Variants in BCR observed in about 807,000 individuals in gnomAD.
BCR encodes the protein breakpoint cluster region protein.
BCR carries 58 observed loss-of-function variants against 138.6 expected under a neutral mutation model. The observed-to-expected ratio is 0.42, with a 90% CI of 0.34 to 0.52. The LOEUF is 0.52. Ranked by LOEUF, BCR falls within the 20% of genes least tolerant of loss-of-function variation. The probability of loss-of-function intolerance (pLI) is 0.06; values close to 1 mark genes in which losing one functional copy is unlikely to be tolerated. For synonymous variants in BCR, 786 were observed against 730.1 expected (o/e 1.08, Z -1.23); for missense variants, 1,599 against 1,727.2 (o/e 0.93, Z 1.32).
At chr22:23,243,690 C>G (rs1185273247) in intron 1 of BCR, among the ~76,000 whole-genome samples, 2 of 151,472 alleles carry the variant, frequency 1.3e-5, no homozygotes, top group Non-Finnish European at 2.9e-5. Context: ...GCTCTGTTGC[C>G]CAGGCTGGAG....
chr22:23,253,798 G>C lies in BCR; in HGVS notation c.1280-1G>C, dbSNP rs2073260213. The C allele has an allele frequency of 6.2e-7, 1 of 1,610,042 alleles. No homozygotes were observed. Among genetic ancestry groups the C allele is most frequent in the Admixed American group, 1.7e-5 (1 of 59,876 alleles). On this transcript the variant is annotated splice_acceptor_variant, in intron 1 of 22. Coordinates refer to ENST00000305877, the MANE Select transcript of BCR (RefSeq NM_004327.4). LOFTEE classifies it high-confidence loss of function. The stretch of plus-strand genomic sequence containing the variant: ...CACAGGATGCTTCTTTGCACACACA[G>C]ATGGCTCGTTCGGAACACCACCTGG...
intron 16 of BCR, among the ~76,000 whole-genome samples, chr22:23,301,861 A>G (rs1257266727): frequency 1.3e-5 from 2 of 152,214 alleles, no homozygotes; most frequent in East Asian, 3.9e-4. Flanking sequence ...GCTCACTCAA[A>G]TGGCTCATTC....
rs1480554479 is a variant in BCR, at chr22:23,201,347, G to C, written c.1279+19108G>C. On this transcript the variant is annotated intron_variant, in intron 1 of 22. Transcript: ENST00000305877. ...CTTACCTCCTGGCAGTTGTAGGACT[G>C]AGTCCCCATTTCCTTGCTGGCATTG... Among the ~76,000 whole-genome samples, 4 of 152,230 alleles carry C rather than the reference G, an allele frequency of 2.6e-5. No individual in the cohort carries two copies. In the South Asian group the frequency reaches 6.2e-4, roughly 24 times the overall value.
intron 1 of BCR, among the ~76,000 whole-genome samples, chr22:23,197,746 A>G (rs2072500290): frequency 6.6e-6 from 1 of 151,442 alleles, no homozygotes; most frequent in Non-Finnish European, 1.5e-5. Flanking sequence ...TGCCTTGGGA[A>G]GGTGAGTTTG....
Position 23,315,597 on chromosome 22 carries a change from GA to G in BCR, c.*77del. ...GCTAATCGGGCCATCCGTAGAGCGG[GA>G]ACCTTCCTGAGGTGTCCTTGGGCCA... is the stretch of plus-strand genomic sequence containing the variant. On this transcript the variant is annotated 3_prime_UTR_variant, in exon 23 of 23. Transcript: ENST00000305877. The G allele has an allele frequency of 7.0e-7, 1 of 1,429,830 alleles. No individual in the cohort carries two copies. Among genetic ancestry groups the G allele is most frequent in the Non-Finnish European group, 9.8e-7 (1 of 1,021,220 alleles). 88.6% of individuals were successfully genotyped at this position (1,429,830 alleles called of 1,614,324 possible).
At chr22:23,263,255 C>T in intron 4 of BCR, 1 of 1,071,314 alleles carries the variant, frequency 9.3e-7, no homozygotes, top group Non-Finnish European at 1.4e-6. Context: ...TGTGCTCCTA[C>T]CTCGACATGC....
rs748634349 is a variant in BCR at position 23,198,249 on chromosome 22, G to C, written c.1279+16010G>C. The C allele has an allele frequency of 9.0e-6, 4 of 444,894 alleles. No individual in the cohort carries two copies. The East Asian group carries it at 2.9e-4, about 33-fold the overall frequency. The allele number at this position is 444,894 out of a possible 1,614,324, so 27.6% of individuals were successfully genotyped here. A position where few individuals can be genotyped will look rare whatever the true frequency, so the allele number is the denominator to read the frequency against. Reference sequence around the variant, plus strand: ...AGGTGGGTGGGGATTCAGGATTAGGGTCCGAGTGCTCCCCGAGTGTCCACC... The same window carrying C: ...AGGTGGGTGGGGATTCAGGATTAGGCTCCGAGTGCTCCCCGAGTGTCCACC... On this transcript the variant is annotated intron_variant, in intron 1 of 22. Transcript: ENST00000305877.
In BCR at chr22:23,181,620, C is replaced by T; in HGVS notation, c.660C>T (p.Gly220=). The part of the protein sequence containing the change: ...MERKKSQHGA[G]SSVGDASRPP... ...GCAAAAAGTCCCAGCACGGCGCGGG[C>T]TCGAGCGTGGGGGATGCATCCAGGC... Residue 220 remains glycine, a synonymous_variant, in exon 1 of 23, where the codon GGC becomes GGT. Transcript: ENST00000305877. The T allele has an allele frequency of 6.2e-7, 1 of 1,611,712 alleles. No individual in the cohort carries two copies. The highest frequency in any genetic ancestry group is 2.2e-5 in the East Asian group (1 of 44,874).
chr22:23,264,112 A>G, intron 4 of BCR: 1 of 1,516,632 alleles, frequency 6.6e-7, no homozygotes, highest in Admixed American at 1.7e-5. Context: ...TGTGTCATGG[A>G]GTGGGAGGAG....
rs560773307 is a variant in BCR at position 23,244,152 on chromosome 22, CG to C, written c.1280-9645del. Among the ~76,000 whole-genome samples, 10 of 152,244 alleles carry C rather than the reference CG, an allele frequency of 6.6e-5. No individual in the cohort carries two copies. The South Asian group carries it at 1.9e-3, about 28-fold the overall frequency. On this transcript the variant is annotated intron_variant, in intron 1 of 22. Transcript: ENST00000305877. ...GAATGGAATTAAATTATAGGACACC[CG>C]GCTGGTGTCCAGAGACTGGGAGGAT...
chr22:23,312,164 G>A lies in BCR; in HGVS notation c.3322+328G>A, dbSNP rs77475071. Among the ~76,000 whole-genome samples the A allele has an allele frequency of 5.7e-3, 869 of 152,276 alleles. 8 individuals carry two copies. Among genetic ancestry groups the A allele is most frequent in the African/African-American group, 0.019 (780 of 41,564 alleles). On this transcript the variant is annotated intron_variant, in intron 19 of 22. Coordinates refer to ENST00000305877, the MANE Select transcript of BCR (RefSeq NM_004327.4). ...TGTCCCCTGCCATGTGTGAGGATGCGGCAGGCAGAGGGCACTGATGAAATT... is the reference window on the plus strand; with the variant it reads ...TGTCCCCTGCCATGTGTGAGGATGCAGCAGGCAGAGGGCACTGATGAAATT...
chr22:23,261,245 A>G, intron 3 of BCR, 110 bp from the exon 4 acceptor site: 1 of 1,339,322 alleles, frequency 7.5e-7, no homozygotes, highest in Non-Finnish European at 1.0e-6. Context: ...TATGTGATTT[A>G]AAAATAAAAG....
intron 10 of BCR, among the ~76,000 whole-genome samples, chr22:23,286,749 A>G (rs879074829): frequency 6.6e-6 from 1 of 152,058 alleles, no homozygotes; most frequent in Non-Finnish European, 1.5e-5. Flanking sequence ...CTCCACAAAC[A>G]TGCCCAGGGG....
Position 23,261,534 on chromosome 22 carries a change from G to GGC in BCR, c.1746_1747insGC (p.Lys583AlafsTer41). The GGC allele has an allele frequency of 6.2e-7, 1 of 1,611,838 alleles. No individual in the cohort carries two copies. Reference sequence around the variant, plus strand: ...AGCAGCGGGTGGGCGACCTCTTCCAGAAGCTGGTGAGTAACCCAGGGCCGG... The same window carrying GGC: ...AGCAGCGGGTGGGCGACCTCTTCCAGGCAAGCTGGTGAGTAACCCAGGGCCGG... On this transcript the variant is annotated frameshift_variant, in exon 4 of 23. Transcript: ENST00000305877. LOFTEE classifies it high-confidence loss of function.
At position 23,317,980 on chromosome 22, in the gene BCR, C is replaced by T. The variant is rs1338549804; in HGVS notation, c.*2458C>T. 1.7e-4 allele frequency: 27 copies of T among 154,466 alleles called. No homozygotes were observed. The highest frequency in any genetic ancestry group is 6.6e-4 in the African/African-American group (26 of 39,622). The allele number at this position is 154,466 out of a possible 1,614,324, so 9.6% of individuals were successfully genotyped here. On this transcript the variant is annotated 3_prime_UTR_variant, in exon 23 of 23. Coordinates refer to ENST00000305877, the MANE Select transcript of BCR (RefSeq NM_004327.4). ...GGTGTCTTAGCAGCTGCAATCTGAG[C>T]TCAGCCACCTACACACCACCGTGGC...
At chr22:23,259,604 C>A (rs868430692) in intron 2 of BCR, among the ~76,000 whole-genome samples, 8 of 152,052 alleles carry the variant, frequency 5.3e-5, no homozygotes, top group South Asian at 2.1e-4. Flanking sequence ...GCAACCTCCC[C>A]CTCCTGTGTT....
intron 1 of BCR, among the ~76,000 whole-genome samples, chr22:23,217,991 T>C (rs1025842940): frequency 6.6e-6 from 1 of 152,212 alleles, no homozygotes; most frequent in African/African-American, 2.4e-5. Context: ...GGAAGGGTTG[T>C]GAACCTGCTC....
At chr22:23,279,729 A>G (rs2073621092) in intron 8 of BCR, among the ~76,000 whole-genome samples, 1 of 152,200 alleles carries the variant, frequency 6.6e-6, no homozygotes, top group South Asian at 2.1e-4. Flanking sequence ...TGATGATCAG[A>G]CTGTAGTTCG....
chr22:23,209,325 A>C lies in BCR; in HGVS notation c.1279+27086A>C, dbSNP rs552045494. On this transcript the variant is annotated intron_variant, in intron 1 of 22. Coordinates refer to ENST00000305877, the MANE Select transcript of BCR (RefSeq NM_004327.4). ...CAGTGAGCCGAGATCACGCCACTGC[A>C]CTCCAGCTTGGGCTACAGAGTGAGA... Among the ~76,000 whole-genome samples the C allele has an allele frequency of 2.7e-3, 409 of 151,896 alleles. 1 individual carries two copies. Among genetic ancestry groups the C allele is most frequent in the Non-Finnish European group, 3.9e-3 (268 of 67,960 alleles).
Sources: gnomAD v4.1 joint callset for allele counts (sites outside exome capture counted in the v4.1 genomes callset) on GRCh38, gnomAD v4.1.1 for gene constraint, MANE v1.5 for transcripts, NCBI Gene and HGNC (gene_info 2026-07-23, HGNC 2026-07-21) for gene names.